The following IL1RAPL2 variants were observed in gnomAD, a reference collection of about 807,000 sequenced individuals.
IL1RAPL2 encodes X-linked interleukin-1 receptor accessory protein-like 2.
A neutral mutation model predicts 44.1 loss-of-function variants in IL1RAPL2; 3 were observed. That is an observed-to-expected ratio of 0.07 (90% confidence interval 0.03 to 0.18). The LOEUF (loss-of-function observed/expected upper bound fraction) is 0.18, where lower values mean the gene tolerates loss of function less well. Among genes scored for constraint, IL1RAPL2 ranks in the 10% least tolerant of loss-of-function variants. The probability of loss-of-function intolerance (pLI) is 1.00; values close to 1 mark genes in which losing one functional copy is unlikely to be tolerated. For synonymous variants in IL1RAPL2, 181 were observed against 178.8 expected (o/e 1.01, Z -0.10); for missense variants, 391 against 496.4 (o/e 0.79, Z 2.02).
chrX:104,598,746 T>C (rs933048584), intron 1 of IL1RAPL2, among the ~76,000 whole-genome samples: 1 of 112,229 alleles, frequency 8.9e-6, no homozygotes, highest in Non-Finnish European at 1.9e-5. Flanking sequence ...TGAATATCTG[T>C]GGTTACTTAC....
chrX:105,084,547 T>C (rs1286336062), intron 2 of IL1RAPL2, among the ~76,000 whole-genome samples: 1 of 112,613 alleles, frequency 8.9e-6, no homozygotes, highest in Non-Finnish European at 1.9e-5. Flanking sequence ...ATTTCTCCCA[T>C]TTAGAACAGG....
At chrX:105,277,558 C>T (rs767513226) in intron 5 of IL1RAPL2, among the ~76,000 whole-genome samples, 4 of 111,524 alleles carry the variant, frequency 3.6e-5, no homozygotes, top group Non-Finnish European at 7.5e-5. Flanking sequence ...CTTGCTTTCT[C>T]CTGGGGTTAA....
chrX:105,549,410 A>C (rs750396284), intron 6 of IL1RAPL2, among the ~76,000 whole-genome samples: 12 of 111,619 alleles, frequency 1.1e-4, no homozygotes, highest in Admixed American at 5.7e-4. Flanking sequence ...GTGGGCAGAG[A>C]GATGTGCTGC....
chrX:104,884,830 A>G (rs1422447246), intron 2 of IL1RAPL2, among the ~76,000 whole-genome samples: 1 of 111,257 alleles, frequency 9.0e-6, no homozygotes, highest in Non-Finnish European at 1.9e-5. Context: ...TAGCCTCCCT[A>G]TAGCTCCCCT....
At chrX:105,718,956 GA>G (rs1037929408) in intron 7 of IL1RAPL2, among the ~76,000 whole-genome samples, 7 of 109,870 alleles carry the variant, frequency 6.4e-5, no homozygotes, top group Non-Finnish European at 1.3e-4. Context: ...CCTTGTCTCA[GA>G]AAAAAAAGTC....
At chrX:105,541,878 G>A (rs981682778) in intron 6 of IL1RAPL2, among the ~76,000 whole-genome samples, 1 of 110,836 alleles carries the variant, frequency 9.0e-6, no homozygotes, top group African/African-American at 3.3e-5. Flanking sequence ...TTTATAGTAG[G>A]GTAGTTCAAG....
intron 2 of IL1RAPL2, among the ~76,000 whole-genome samples, chrX:105,131,198 G>A: frequency 9.1e-6 from 1 of 110,432 alleles, no homozygotes; most frequent in African/African-American, 3.3e-5. Flanking sequence ...CAGTGTTGGA[G>A]ATCTGTACTT....
intron 5 of IL1RAPL2, among the ~76,000 whole-genome samples, chrX:105,394,411 T>G: frequency 9.0e-6 from 1 of 111,483 alleles, no homozygotes; most frequent in East Asian, 2.8e-4. Context: ...AAGAACTGAC[T>G]TTTCCTTTCT....
chrX:105,170,511 A>G (rs1283541760), intron 2 of IL1RAPL2, among the ~76,000 whole-genome samples: 1 of 111,901 alleles, frequency 8.9e-6, no homozygotes, highest in Admixed American at 9.5e-5. Context: ...GTTTGTTCTA[A>G]GTACCTGACA....
intron 5 of IL1RAPL2, among the ~76,000 whole-genome samples, chrX:105,342,035 C>T (rs774352021): frequency 9.2e-6 from 1 of 108,995 alleles, no homozygotes; most frequent in South Asian, 4.2e-4. Flanking sequence ...TGGAAACCAT[C>T]ATTCTCGGTA....
chrX:105,654,283 TA>T (rs2037662575), intron 6 of IL1RAPL2, among the ~76,000 whole-genome samples: 1 of 110,808 alleles, frequency 9.0e-6, no homozygotes, highest in South Asian at 3.7e-4. Flanking sequence ...CCCTCTCCTC[TA>T]CCCAAATGGA....
intron 4 of IL1RAPL2, among the ~76,000 whole-genome samples, chrX:105,242,376 A>G (rs2034177684): frequency 8.9e-6 from 1 of 112,490 alleles, no homozygotes; most frequent in Non-Finnish European, 1.9e-5. Flanking sequence ...TTAAGCACTT[A>G]TTCCTTTTAA....
intron 2 of IL1RAPL2, among the ~76,000 whole-genome samples, chrX:104,766,829 G>T (rs368630082): frequency 3.6e-5 from 4 of 112,000 alleles, no homozygotes; most frequent in South Asian, 3.7e-4. Flanking sequence ...TTAGGCCAAG[G>T]TTCGTTTCTA....
At chrX:105,351,906 A>G (rs1190789174) in intron 5 of IL1RAPL2, among the ~76,000 whole-genome samples, 2 of 111,264 alleles carry the variant, frequency 1.8e-5, no homozygotes, top group Admixed American at 9.6e-5. Flanking sequence ...GAAGTTGGCA[A>G]CCATTTGTTG....
chrX:105,099,397 G>A (rs1453789534), intron 2 of IL1RAPL2, among the ~76,000 whole-genome samples: 2 of 108,558 alleles, frequency 1.8e-5, no homozygotes, highest in African/African-American at 6.7e-5. Flanking sequence ...GGGGTAAAGC[G>A]GGAGCAGGTA....
intron 2 of IL1RAPL2, among the ~76,000 whole-genome samples, chrX:104,714,270 C>G (rs894727654): frequency 9.0e-6 from 1 of 110,929 alleles, no homozygotes; most frequent in African/African-American, 3.3e-5. Context: ...ATACATGGCT[C>G]TCATTATTTT....
intron 2 of IL1RAPL2, among the ~76,000 whole-genome samples, chrX:105,141,994 C>T (rs754472497): frequency 9.8e-5 from 11 of 112,013 alleles, no homozygotes; most frequent in Non-Finnish European, 1.5e-4. Context: ...GTTTTACAAC[C>T]CAGCACATCA....
At chrX:105,362,496 G>A (rs762790383) in intron 5 of IL1RAPL2, among the ~76,000 whole-genome samples, 1 of 110,599 alleles carries the variant, frequency 9.0e-6, no homozygotes, top group East Asian at 2.8e-4. Flanking sequence ...AGCCTGAGGG[G>A]GTAGGAAGTT....
intron 2 of IL1RAPL2, among the ~76,000 whole-genome samples, chrX:104,945,295 T>G (rs187576834): frequency 9.0e-6 from 1 of 110,789 alleles, no homozygotes; most frequent in Admixed American, 9.7e-5. Context: ...TAATAAATAT[T>G]ACTATTTAAC....
Sources: gnomAD v4.1 joint callset for allele counts (sites outside exome capture counted in the v4.1 genomes callset) on GRCh38, gnomAD v4.1.1 for gene constraint, MANE v1.5 for transcripts, NCBI Gene and HGNC (gene_info 2026-07-23, HGNC 2026-07-21) for gene names.